The following TMEM254 variants were observed in gnomAD, a reference collection of about 807,000 sequenced individuals.
The protein encoded by TMEM254 is transmembrane protein C10orf57.
A neutral mutation model predicts 13.9 loss-of-function variants in TMEM254; 16 were observed. The observed-to-expected ratio is 1.15, with a 90% CI of 0.78 to 1.75. TMEM254 has a LOEUF of 1.75. Among genes scored for constraint, TMEM254 ranks in the 40% most tolerant of loss-of-function variants. The pLI, the probability that TMEM254 is intolerant of heterozygous loss-of-function variation, is 0.00. For synonymous variants in TMEM254, 61 were observed against 56.4 expected (o/e 1.08, Z -0.36); for missense variants, 155 against 149.0 (o/e 1.04, Z -0.21).
At chr10:80,090,429 C>G in intron 3 of TMEM254, 1 of 717,534 alleles carries the variant, frequency 1.4e-6, no homozygotes, top group Non-Finnish European at 2.6e-6. Context: ...CAGGTCACAG[C>G]TGGTAGGTAG....
At chr10:80,078,900 A>C (rs3824727) in intron 1 of TMEM254, 114 bp downstream of exon 1, 169,261 of 1,521,320 alleles carry the variant, frequency 0.11, 12,519 homozygotes, top group East Asian at 0.42. Context: ...CACAATCCCG[A>C]CTCCCGCGCG....
At position 80,081,970 on chromosome 10, in the gene TMEM254, G is replaced by A. The variant is rs1430750095; in HGVS notation, c.191+26G>A. On this transcript the variant is annotated intron_variant, in intron 2 of 3. Coordinates refer to ENST00000372281, the MANE Select transcript of TMEM254 (RefSeq NM_025125.4). ...GTAAGGAGAGCTGCACAAGTGGACT[G>A]TGGACACTGGAGCTCTGGTCTCATG... 3.7e-6 allele frequency: 6 copies of A among 1,605,036 alleles called. No individual in the cohort carries two copies. In the African/African-American group the frequency reaches 4.0e-5, roughly 11 times the overall value.
At position 80,081,944 on chromosome 10, in the gene TMEM254, G is replaced by T. The variant is rs1292502526; in HGVS notation, c.191G>T (p.Gly64Val). Residue 64 changes from glycine (G) to valine (V), a missense_variant and splice_region_variant, in exon 2 of 4, where the codon GGG (glycine) becomes GTG (valine). By Grantham distance (109) the Gly-to-Val change is moderately radical (BLOSUM62 -3). Transcript: ENST00000372281. The stretch of plus-strand genomic sequence containing the variant: ...CACCATCACACCCTCCTGTGCAATG[G>T]GTAAGGAGAGCTGCACAAGTGGACT... ...VDHHHTLLCN[G>V]YWLAWLIHVG... 1 of 1,613,454 alleles carries T rather than the reference G, an allele frequency of 6.2e-7. No individual in the cohort carries two copies. Among genetic ancestry groups the T allele is most frequent in the South Asian group, 1.1e-5 (1 of 91,040 alleles).
At chr10:80,079,576 A>G in intron 1 of TMEM254, 2 of 997,330 alleles carry the variant, frequency 2.0e-6, no homozygotes, top group Non-Finnish European at 2.4e-6. Context: ...TAAAGAGGCT[A>G]TAACTGTTCT....
chr10:80,079,832 C>A, intron 1 of TMEM254: 2 of 408,384 alleles, frequency 4.9e-6, no homozygotes, highest in Non-Finnish European at 6.6e-6. Flanking sequence ...CATGTCTTTA[C>A]CTGTAGCTGG....
At chr10:80,084,111 A>C (rs1240473513) in intron 3 of TMEM254, among the ~76,000 whole-genome samples, 3 of 151,970 alleles carry the variant, frequency 2.0e-5, no homozygotes, top group Admixed American at 6.6e-5. Context: ...AAAAAAAAAC[A>C]ATAAACAGCT....
intron 3 of TMEM254, among the ~76,000 whole-genome samples, chr10:80,089,428 C>T (rs61859014): frequency 0.11 from 16,352 of 152,036 alleles, 1,062 homozygotes; most frequent in South Asian, 0.21. Flanking sequence ...CCCAGCACTT[C>T]GGGAGGCTGA....
chr10:80,090,080 T>C (rs1047091318), intron 3 of TMEM254, among the ~76,000 whole-genome samples: 3 of 152,188 alleles, frequency 2.0e-5, no homozygotes, highest in African/African-American at 7.2e-5. Context: ...CTTTCTGTTT[T>C]AATCTGTTAC....
At chr10:80,082,942 T>C (rs1211943933) in intron 3 of TMEM254, among the ~76,000 whole-genome samples, 1 of 152,160 alleles carries the variant, frequency 6.6e-6, no homozygotes, top group African/African-American at 2.4e-5. Flanking sequence ...TCACCTCTAT[T>C]ATTTTTCTAT....
intron 2 of TMEM254, 89 bp downstream of exon 2, chr10:80,082,033 A>G (rs558256784): frequency 6.1e-4 from 946 of 1,559,194 alleles, no homozygotes; most frequent in Admixed American, 1.0e-3. Flanking sequence ...TTTGGTATCT[A>G]AGAGTAGTGT....
At chr10:80,081,089 A>C (rs1843993129) in intron 1 of TMEM254, among the ~76,000 whole-genome samples, 1 of 151,856 alleles carries the variant, frequency 6.6e-6, no homozygotes, top group Non-Finnish European at 1.5e-5. Context: ...AAAATAAATA[A>C]ATAAATAAAT....
At chr10:80,090,520 T>G in intron 3 of TMEM254, 1 of 703,634 alleles carries the variant, frequency 1.4e-6, no homozygotes, top group Non-Finnish European at 2.6e-6. Context: ...CATCCGCTCA[T>G]CAGAATCACA....
Position 80,081,836 on chromosome 10 carries a change from T to A in TMEM254, c.88-5T>A, listed in dbSNP as rs1056154183. On this transcript the variant is annotated splice_region_variant and splice_polypyrimidine_tract_variant and intron_variant, in intron 1 of 3. Coordinates refer to ENST00000372281, the MANE Select transcript of TMEM254 (RefSeq NM_025125.4). ...AGGTATTCTGTGTCTCTGCTTCTCT[T>A]TCAGTGGGTTGTCTTCTGGCCTCAG... 8.7e-6 allele frequency: 14 copies of A among 1,614,026 alleles called. No homozygotes were observed. Among genetic ancestry groups the A allele is most frequent in the Non-Finnish European group, 1.2e-5 (14 of 1,180,032 alleles).
Position 80,091,070 on chromosome 10 carries a change from C to T in TMEM254, c.*153C>T. 3.4e-6 allele frequency: 3 copies of T among 870,976 alleles called. No individual in the cohort carries two copies. The highest frequency in any genetic ancestry group is 3.4e-5 in the African/African-American group (2 of 58,660). The allele number at this position is 870,976 out of a possible 1,614,324, so 54.0% of individuals were successfully genotyped here. A position where few individuals can be genotyped will look rare whatever the true frequency, so the allele number is the denominator to read the frequency against. ...AGACCCCCTCGTTAGTCAGTTTTTT[C>T]TCTTATATGCTCTGGTTGAGCTTGA... is the stretch of plus-strand genomic sequence containing the variant. On this transcript the variant is annotated 3_prime_UTR_variant, in exon 4 of 4. Transcript: ENST00000372281.
intron 3 of TMEM254, chr10:80,090,337 C>G (rs1374895044): frequency 1.4e-6 from 1 of 716,910 alleles, no homozygotes; most frequent in South Asian, 1.5e-5. Context: ...TAAATCATCT[C>G]AACTGACTCA....
chr10:80,091,736 A>G lies in TMEM254; in HGVS notation c.*819A>G, dbSNP rs1844580835. The G allele has an allele frequency of 6.6e-6, 1 of 152,022 alleles. No individual in the cohort carries two copies. The allele number at this position is 152,022 out of a possible 1,614,324, so 9.4% of individuals were successfully genotyped here. On this transcript the variant is annotated 3_prime_UTR_variant, in exon 4 of 4. Coordinates refer to ENST00000372281, the MANE Select transcript of TMEM254 (RefSeq NM_025125.4). ...TATCTTGCACACAGGTGCTCTAACC[A>G]TGTTTATTGAACAAAGGAGGGAAAC...
chr10:80,081,659 C>A, intron 1 of TMEM254, 182 bp from the exon 2 acceptor site: 3 of 1,541,442 alleles, frequency 1.9e-6, no homozygotes, highest in East Asian at 2.4e-5. Context: ...CGGAGTGAGA[C>A]CCTGTCAAAA....
At position 80,082,224 on chromosome 10, in the gene TMEM254, G is replaced by GT. The variant is rs758784983; in HGVS notation, c.251+23dup. 6 of 1,613,564 alleles carry GT rather than the reference G, an allele frequency of 3.7e-6. No homozygotes were observed. In the African/African-American group the frequency reaches 8.0e-5, roughly 22 times the overall value. On this transcript the variant is annotated intron_variant, in intron 3 of 3. Coordinates refer to ENST00000372281, the MANE Select transcript of TMEM254 (RefSeq NM_025125.4). ...GTGCAAGTAAGTCTTTGAAGTAGGT[G>GT]TTTGTTGCCTTTCTCTTAGTAGCTA... is the stretch of plus-strand genomic sequence containing the variant.
chr10:80,081,563 G>A, intron 1 of TMEM254: 1 of 878,670 alleles, frequency 1.1e-6, no homozygotes, highest in Non-Finnish European at 1.8e-6. Flanking sequence ...ATCTACTTGG[G>A]AGGCTGAGGT....
Sources: gnomAD v4.1 joint callset for allele counts (sites outside exome capture counted in the v4.1 genomes callset) on GRCh38, gnomAD v4.1.1 for gene constraint, MANE v1.5 for transcripts, NCBI Gene and HGNC (gene_info 2026-07-23, HGNC 2026-07-21) for gene names.